CEP250: variants seen among roughly 807,000 people sequenced by gnomAD.
CEP250 encodes the protein centrosomal protein 250.
A neutral mutation model predicts 315.7 loss-of-function variants in CEP250; 242 were observed. The ratio of observed to expected loss-of-function variants is 0.77; its 90% CI spans 0.69 to 0.85. The LOEUF (loss-of-function observed/expected upper bound fraction) is 0.85. Ranked by LOEUF, CEP250 falls within the 40% of genes least tolerant of loss-of-function variation. The pLI, the probability that CEP250 is intolerant of heterozygous loss-of-function variation, is 0.00. For missense variants in CEP250, 2,515 were observed against 2,886.4 expected (o/e 0.87, Z 2.95); for synonymous variants, 1,088 against 1,175.0 (o/e 0.93, Z 1.51).
chr20:35,471,898 ACT>A, intron 10 of CEP250, 150 bp from the exon 11 acceptor site: 1 of 574,894 alleles, frequency 1.7e-6, no homozygotes, highest in East Asian at 2.9e-5. Context: ...TTGTCTTCAG[ACT>A]CTTCAGACAA....
chr20:35,475,716 A>G, intron 15 of CEP250, 70 bp downstream of exon 15: 1 of 1,521,822 alleles, frequency 6.6e-7, no homozygotes, highest in Admixed American at 1.8e-5. Flanking sequence ...AGCCTGCCTC[A>G]TTCTTCACCT....
In CEP250 at chr20:35,480,590, C is replaced by CTT. The variant is rs559422487; in HGVS notation, c.2586+462_2586+463dup. Among the ~76,000 whole-genome samples the CTT allele has an allele frequency of 5.0e-3, 614 of 122,118 alleles. 6 individuals carry two copies. The highest frequency in any genetic ancestry group is 0.017 in the African/African-American group (518 of 31,316). The allele number at this position is 122,118 out of a possible 152,430, so 80.1% of individuals were successfully genotyped here. A position where few individuals can be genotyped will look rare whatever the true frequency, so the allele number is the denominator to read the frequency against. On this transcript the variant is annotated intron_variant, in intron 20 of 34. Transcript: ENST00000397527. ...TGTTATTTGTCTTGCTTTTTTATAT[C>CTT]TTTTTTTTTTTTTTTTTTCCTTGAG...
chr20:35,489,808 G>A (rs1297807130), intron 20 of CEP250, among the ~76,000 whole-genome samples: 1 of 152,208 alleles, frequency 6.6e-6, no homozygotes, highest in Non-Finnish European at 1.5e-5. Flanking sequence ...GTAGAGGAGA[G>A]CAGGCAGCAG....
At chr20:35,496,964 C>CAG (rs149809495) in intron 25 of CEP250, among the ~76,000 whole-genome samples, 3,399 of 152,260 alleles carry the variant, frequency 0.022, 143 homozygotes, top group African/African-American at 0.077. Context: ...AAAGTGCACA[C>CAG]GGGTGTAGCC....
At chr20:35,485,289 G>A (rs1172803784) in intron 20 of CEP250, among the ~76,000 whole-genome samples, 2 of 151,200 alleles carry the variant, frequency 1.3e-5, no homozygotes, top group Non-Finnish European at 2.9e-5. Flanking sequence ...CAGGAGAATC[G>A]CTTGAACCTG....
At chr20:35,508,857 A>G in intron 32 of CEP250, 86 bp from the exon 33 acceptor site, 3 of 1,074,138 alleles carry the variant, frequency 2.8e-6, no homozygotes, top group Non-Finnish European at 2.7e-6. Context: ...ATACCTGCAC[A>G]GGCACTGGCC....
At chr20:35,487,297 G>A (rs552314905) in intron 20 of CEP250, among the ~76,000 whole-genome samples, 24 of 151,832 alleles carry the variant, frequency 1.6e-4, no homozygotes, top group Admixed American at 1.4e-3. Context: ...GTGACACCCC[G>A]TCTCTACTAA....
At chr20:35,471,705 T>G (rs1237987688) in intron 10 of CEP250, among the ~76,000 whole-genome samples, 1 of 152,222 alleles carries the variant, frequency 6.6e-6, no homozygotes, top group African/African-American at 2.4e-5. Flanking sequence ...GACACTATAT[T>G]GAATAATTTA....
intron 33 of CEP250, among the ~76,000 whole-genome samples, 179 bp from the exon 34 acceptor site, chr20:35,509,819 G>GGGGCCTCTCCTTGCTGCA (rs1277190227): frequency 1.3e-5 from 2 of 152,244 alleles, no homozygotes; most frequent in African/African-American, 4.8e-5. Flanking sequence ...ATGCTGGTGT[G>GGGGCCTCTCCTTGCTGCA]GGGCCTCTCC....
rs2064432044 is a variant in CEP250, at chr20:35,515,974, A to G, written c.*4348A>G. 1 of 152,190 alleles carries G rather than the reference A, an allele frequency of 6.6e-6. No individual in the cohort carries two copies. The highest frequency in any genetic ancestry group is 2.4e-5 in the African/African-American group (1 of 41,400). The allele number at this position is 152,190 out of a possible 1,614,324, so 9.4% of individuals were successfully genotyped here. On this transcript the variant is annotated 3_prime_UTR_variant, in exon 35 of 35. Coordinates refer to ENST00000397527, the MANE Select transcript of CEP250 (RefSeq NM_007186.6). ...GCTCCTGGCCAGTTGATCTCACCCA[A>G]CTCATTACATCAGTAGCCTGGTCAC...
In CEP250 at chr20:35,494,474, C is replaced by A. The variant is rs200432734; in HGVS notation, c.3034-50C>A. 9.2e-4 allele frequency: 1,480 copies of A among 1,608,926 alleles called. 1 individual carries two copies. Among genetic ancestry groups the A allele is most frequent in the Non-Finnish European group, 1.2e-3 (1,362 of 1,178,130 alleles). The stretch of plus-strand genomic sequence containing the variant: ...AAGCCCTAGGTGAGGAGCATCTTCC[C>A]ACCGGCCCCCTGCCCTGCCATCTTG... On this transcript the variant is annotated intron_variant, in intron 23 of 34. Transcript: ENST00000397527.
At chr20:35,474,106 A>G in intron 14 of CEP250, 54 bp downstream of exon 14, 1 of 1,381,172 alleles carries the variant, frequency 7.2e-7, no homozygotes, top group South Asian at 1.5e-5. Flanking sequence ...TCAATTCTAC[A>G]CCCTCCCCGT....
chr20:35,480,192 C>T (rs754952311), intron 20 of CEP250, 47 bp downstream of exon 20: 1 of 1,540,308 alleles, frequency 6.5e-7, no homozygotes, highest in South Asian at 1.2e-5. Flanking sequence ...CATGAGTGCT[C>T]TACCTGCTGC....
chr20:35,479,883 G>A (rs2063294814), intron 19 of CEP250, 93 bp from the exon 20 acceptor site: 9 of 1,593,922 alleles, frequency 5.6e-6, no homozygotes, highest in Non-Finnish European at 6.0e-6. Context: ...CAGGGCCTCT[G>A]AGATGGGAGT....
chr20:35,479,663 T>G lies in CEP250; in HGVS notation c.2306T>G (p.Leu769Arg). ...CCTCACAGCTCAGCCAAGGAGCTAC[T>G]GGAGAGCAGTCTGTTTGAAGCCCAA... ...LQGLSSAKEL[L>R]ESSLFEAQQQ... The change falls in exon 19 of 35, where the codon CTG becomes CGG. Residue 769 changes from leucine (L) to arginine (R), a missense_variant. Physicochemically the swap from Leu to Arg is moderately radical, Grantham distance 102. Coordinates refer to ENST00000397527, the MANE Select transcript of CEP250 (RefSeq NM_007186.6). 6.2e-7 allele frequency: 1 copy of G among 1,614,214 alleles called. No individual in the cohort carries two copies. Among genetic ancestry groups the G allele is most frequent in the Non-Finnish European group, 8.5e-7 (1 of 1,180,032 alleles).
At chr20:35,510,196 ATC>A in intron 34 of CEP250, 142 bp downstream of exon 34, 1 of 722,308 alleles carries the variant, frequency 1.4e-6, no homozygotes, top group South Asian at 1.6e-5. Context: ...TCCCAACCCC[ATC>A]TCTCATATGC....
At chr20:35,486,032 A>AC (rs1377792781) in intron 20 of CEP250, among the ~76,000 whole-genome samples, 1 of 133,222 alleles carries the variant, frequency 7.5e-6, no homozygotes, top group Non-Finnish European at 1.6e-5. Context: ...TAGTGGATTT[A>AC]CTTTTTTTTT....
chr20:35,515,868 A>G lies in CEP250; in HGVS notation c.*4242A>G, dbSNP rs937546562. The G allele has an allele frequency of 2.1e-4, 32 of 152,406 alleles. No individual in the cohort carries two copies. The highest frequency in any genetic ancestry group is 1.7e-3 in the Admixed American group (26 of 15,310). The allele number at this position is 152,406 out of a possible 1,614,324, so 9.4% of individuals were successfully genotyped here. ...AAGCAGGCAAGGGAGGATGAAGGGC[A>G]AAAACATGGGGTCCTGAGGCCCTTT... On this transcript the variant is annotated 3_prime_UTR_variant, in exon 35 of 35. Transcript: ENST00000397527.
rs1241329050 is a variant in CEP250, at chr20:35,472,948, G to A, written c.1209+117G>A. On this transcript the variant is annotated intron_variant, in intron 12 of 34. Coordinates refer to ENST00000397527, the MANE Select transcript of CEP250 (RefSeq NM_007186.6). ...TCACTTTTTTGACCAGTCATGAGGT[G>A]TTCTGTCAATATCCCAGAGTAAATC... 1.2e-5 allele frequency: 12 copies of A among 989,136 alleles called. No homozygotes were observed. In the East Asian group the frequency reaches 2.2e-4, roughly 18 times the overall value. 61.3% of individuals were successfully genotyped at this position (989,136 alleles called of 1,614,324 possible).
Sources: allele counts gnomAD v4.1 joint callset (sites outside exome capture counted in the v4.1 genomes callset), GRCh38; gene constraint gnomAD v4.1.1; transcripts MANE v1.5; gene names NCBI Gene and HGNC (gene_info 2026-07-23, HGNC 2026-07-21).